The following ESRRG variants were observed in gnomAD, a reference collection of about 807,000 sequenced individuals.
The protein encoded by ESRRG is estrogen related receptor gamma.
A neutral mutation model predicts 44.0 loss-of-function variants in ESRRG; 13 were observed. The ratio of observed to expected loss-of-function variants is 0.30; its 90% CI spans 0.19 to 0.47. The LOEUF (loss-of-function observed/expected upper bound fraction) is 0.47, where lower values mean the gene tolerates loss of function less well. Among genes scored for constraint, ESRRG ranks in the 20% least tolerant of loss-of-function variants. ESRRG has a pLI of 1.00. For missense variants in ESRRG, 395 were observed against 580.6 expected (o/e 0.68, Z 3.29); for synonymous variants, 215 against 214.6 (o/e 1.00, Z -0.02).
chr1:216,661,155 T>A (rs1293766537), intron 2 of ESRRG, among the ~76,000 whole-genome samples: 3 of 152,210 alleles, frequency 2.0e-5, no homozygotes, highest in Non-Finnish European at 2.9e-5. Context: ...CAACTGTTTT[T>A]TACAGTGTAA....
chr1:216,761,575 C>G (rs2092775166), intron 2 of ESRRG, among the ~76,000 whole-genome samples: 1 of 152,090 alleles, frequency 6.6e-6, no homozygotes. Flanking sequence ...TTCTTCCTGT[C>G]TCTGCCAGTG....
chr1:216,843,460 T>A (rs184817855), intron 2 of ESRRG, among the ~76,000 whole-genome samples: 14 of 152,274 alleles, frequency 9.2e-5, no homozygotes, highest in Admixed American at 3.3e-4. Flanking sequence ...TTCTCCTTTT[T>A]TAATGCAAGC....
At chr1:216,773,842 G>GC (rs1303594728) in intron 2 of ESRRG, among the ~76,000 whole-genome samples, 2 of 152,046 alleles carry the variant, frequency 1.3e-5, no homozygotes, top group African/African-American at 4.8e-5. Context: ...AGGCAGTACA[G>GC]CCCCTGATGG....
chr1:216,994,967 C>G lies in ESRRG; in HGVS notation c.-105-55294G>C, dbSNP rs539221776. Among the ~76,000 whole-genome samples, 7 of 152,300 alleles carry G rather than the reference C, an allele frequency of 4.6e-5. No individual in the cohort carries two copies. The South Asian group carries it at 1.5e-3, about 32-fold the overall frequency. On this transcript the variant is annotated intron_variant, in intron 1 of 7. Coordinates refer to the ESRRG transcript ENST00000359162. ...AGATTTCTGCACACAGATGAGAGCA[C>G]CTTCATAAGCCAGCTTTGCTGTTTA...
chr1:216,998,065 TG>T (rs1468844470), intron 1 of ESRRG, among the ~76,000 whole-genome samples: 1 of 152,214 alleles, frequency 6.6e-6, no homozygotes, highest in African/African-American at 2.4e-5. Flanking sequence ...TACTTACTAC[TG>T]CTTCTTCTGC....
chr1:216,812,874 A>C (rs1027737977), intron 2 of ESRRG, among the ~76,000 whole-genome samples: 80 of 152,168 alleles, frequency 5.3e-4, no homozygotes, highest in African/African-American at 1.8e-3. Context: ...TTTAGGGTCT[A>C]TTTTCTATGC....
intron 3 of ESRRG, among the ~76,000 whole-genome samples, chr1:216,597,770 T>C (rs1377594603): frequency 6.6e-6 from 1 of 151,000 alleles, no homozygotes; most frequent in Non-Finnish European, 1.5e-5. Flanking sequence ...GAGAAATCAC[T>C]CAATGAAATG....
chr1:216,739,771 T>C (rs2090434643), intron 2 of ESRRG, among the ~76,000 whole-genome samples: 1 of 152,202 alleles, frequency 6.6e-6, no homozygotes, highest in Admixed American at 6.5e-5. Context: ...AATATGGCTC[T>C]CCTATATGTG....
chr1:217,064,690 A>C (rs1290956627), intron 1 of ESRRG, among the ~76,000 whole-genome samples: 3 of 152,200 alleles, frequency 2.0e-5, no homozygotes, highest in Non-Finnish European at 4.4e-5. Flanking sequence ...ATTCCTTACC[A>C]AGTGTATTAC....
chr1:216,737,986 G>T (rs1021185974), intron 2 of ESRRG, among the ~76,000 whole-genome samples: 1 of 142,150 alleles, frequency 7.0e-6, no homozygotes, highest in Non-Finnish European at 1.5e-5. Context: ...TTCTGCAGAT[G>T]AGACATCACT....
chr1:216,561,235 G>C (rs757834046), intron 5 of ESRRG, among the ~76,000 whole-genome samples: 10 of 152,022 alleles, frequency 6.6e-5, no homozygotes, highest in Non-Finnish European at 1.5e-4. Context: ...ATTCGAAGCA[G>C]CACAGAAAAA....
chr1:216,741,435 T>G (rs1243700769), intron 2 of ESRRG, among the ~76,000 whole-genome samples: 3 of 35,130 alleles, frequency 8.5e-5, no homozygotes, highest in African/African-American at 2.2e-4. Flanking sequence ...CCCCCGCCCC[T>G]GCACACACCC....
chr1:217,009,066 CAG>C (rs1394346523), intron 1 of ESRRG, among the ~76,000 whole-genome samples: 2 of 152,260 alleles, frequency 1.3e-5, no homozygotes, highest in Admixed American at 6.5e-5. Context: ...AAATATTTTA[CAG>C]CTCAATATGT....
intron 2 of ESRRG, among the ~76,000 whole-genome samples, chr1:216,766,726 A>G (rs2093097684): frequency 2.0e-5 from 3 of 152,126 alleles, no homozygotes; most frequent in African/African-American, 7.2e-5. Flanking sequence ...CACCAGAGAC[A>G]CTGACCTATT....
intron 1 of ESRRG, among the ~76,000 whole-genome samples, chr1:217,009,572 A>G (rs573007140): frequency 3.9e-5 from 6 of 152,150 alleles, no homozygotes; most frequent in African/African-American, 1.4e-4. Context: ...TTCATTGTCT[A>G]TTGTTCATGG....
Position 216,708,820 on chromosome 1 carries a change from C to T in ESRRG, c.56+14424G>A, listed in dbSNP as rs181463340. 1.2e-3 allele frequency among the ~76,000 whole-genome samples: 179 copies of T among 152,216 alleles called. 1 individual carries two copies. The highest frequency in any genetic ancestry group is 2.0e-3 in the Non-Finnish European group (135 of 67,998). On this transcript the variant is annotated intron_variant, in intron 1 of 6. Coordinates refer to ENST00000408911, the MANE Select transcript of ESRRG (RefSeq NM_001438.4). ...CAAAGACTTGGAACCAACCCAAATGCCCTTCAATGATAGACTGGATAAAGA... is the reference window on the plus strand; with the variant it reads ...CAAAGACTTGGAACCAACCCAAATGTCCTTCAATGATAGACTGGATAAAGA...
rs539050552 is a variant in ESRRG at position 216,822,346 on chromosome 1, A to T, written c.-14+117236T>A. The stretch of plus-strand genomic sequence containing the variant: ...TACAAAATAGCTAACAGTTGGAGGA[A>T]ATCAATTACCAAACCCAGCTGAAAA... On this transcript the variant is annotated intron_variant, in intron 2 of 7. Coordinates refer to the ESRRG transcript ENST00000359162. Among the ~76,000 whole-genome samples the T allele has an allele frequency of 1.3e-3, 202 of 152,326 alleles. 3 individuals carry two copies. In the Middle Eastern group the frequency reaches 0.024, roughly 18 times the overall value.
chr1:217,123,566 T>C (rs934267432), intron 1 of ESRRG, among the ~76,000 whole-genome samples: 14 of 152,094 alleles, frequency 9.2e-5, no homozygotes, highest in African/African-American at 3.4e-4. Flanking sequence ...TGGAATGCTA[T>C]ACAACCATAA....
intron 2 of ESRRG, among the ~76,000 whole-genome samples, chr1:216,931,431 C>T (rs1367202252): frequency 6.6e-6 from 1 of 152,146 alleles, no homozygotes; most frequent in Non-Finnish European, 1.5e-5. Context: ...GAAACTGCTC[C>T]TTCCTTATTC....
Sources: gnomAD v4.1 joint callset for allele counts (sites outside exome capture counted in the v4.1 genomes callset) on GRCh38, gnomAD v4.1.1 for gene constraint, MANE v1.5 for transcripts, NCBI Gene and HGNC (gene_info 2026-07-23, HGNC 2026-07-21) for gene names.